The following TSHZ2 variants were observed in gnomAD, a reference collection of about 807,000 sequenced individuals.
TSHZ2 encodes the protein teashirt homolog 2.
In TSHZ2, 21 loss-of-function variants were observed where a neutral mutation model predicts 74.4. The ratio of observed to expected loss-of-function variants is 0.28; its 90% CI spans 0.20 to 0.41. TSHZ2 has a LOEUF of 0.41. Ranked by LOEUF, TSHZ2 falls within the 10% of genes least tolerant of loss-of-function variation. TSHZ2 has a pLI of 1.00. For missense variants in TSHZ2, 1,244 were observed against 1,293.5 expected (o/e 0.96, Z 0.59); for synonymous variants, 540 against 515.3 (o/e 1.05, Z -0.65).
At chr20:53,089,996 C>G (rs1907558564) in intron 1 of TSHZ2, among the ~76,000 whole-genome samples, 1 of 152,222 alleles carries the variant, frequency 6.6e-6, no homozygotes, top group African/African-American at 2.4e-5. Context: ...AGTCCAAATC[C>G]CTAAACCTCA....
At chr20:53,145,515 G>A (rs756756500) in intron 1 of TSHZ2, among the ~76,000 whole-genome samples, 8 of 152,204 alleles carry the variant, frequency 5.3e-5, no homozygotes, top group Non-Finnish European at 1.0e-4. Flanking sequence ...AGGAAGGGAA[G>A]GATGTTAATG....
intron 1 of TSHZ2, among the ~76,000 whole-genome samples, chr20:53,125,428 G>C (rs1008818723): frequency 6.6e-6 from 1 of 152,090 alleles, no homozygotes; most frequent in Non-Finnish European, 1.5e-5. Context: ...GATTACAAAG[G>C]TGAAGTACAT....
chr20:53,112,617 C>A (rs1418429617), intron 1 of TSHZ2, among the ~76,000 whole-genome samples: 1 of 152,148 alleles, frequency 6.6e-6, no homozygotes, highest in African/African-American at 2.4e-5. Flanking sequence ...CAGCCTCAAC[C>A]TCCTGGGCTC....
intron 1 of TSHZ2, among the ~76,000 whole-genome samples, chr20:53,001,031 G>A (rs1471539311): frequency 6.6e-6 from 1 of 152,018 alleles, no homozygotes; most frequent in African/African-American, 2.4e-5. Context: ...TGGAAGAGGG[G>A]GACAGCCATC....
intron 1 of TSHZ2, among the ~76,000 whole-genome samples, chr20:53,081,261 G>A (rs1286254712): frequency 6.6e-6 from 1 of 151,954 alleles, no homozygotes; most frequent in East Asian, 1.9e-4. Flanking sequence ...TAAACTCCTG[G>A]CATCAAGTGA....
intron 1 of TSHZ2, among the ~76,000 whole-genome samples, chr20:53,054,116 G>A (rs147867487): frequency 5.9e-5 from 9 of 152,336 alleles, no homozygotes; most frequent in Non-Finnish European, 1.3e-4. Context: ...CCACAAGGTG[G>A]CCCACACAAA....
chr20:53,329,011 G>A (rs951283295), intron 2 of TSHZ2, among the ~76,000 whole-genome samples: 1 of 152,208 alleles, frequency 6.6e-6, no homozygotes, highest in African/African-American at 2.4e-5. Flanking sequence ...CTTTAGCCAA[G>A]AATGTATCAC....
At chr20:53,243,502 T>A (rs1351689499) in intron 1 of TSHZ2, among the ~76,000 whole-genome samples, 1 of 152,128 alleles carries the variant, frequency 6.6e-6, no homozygotes, top group Non-Finnish European at 1.5e-5. Flanking sequence ...AACTCCTAAG[T>A]GTGAGGAATG....
intron 1 of TSHZ2, among the ~76,000 whole-genome samples, chr20:53,239,446 GC>G (rs1351192775): frequency 3.3e-5 from 5 of 152,152 alleles, no homozygotes; most frequent in African/African-American, 1.2e-4. Context: ...TTTACTGTAT[GC>G]TCAAAAACTC....
intron 2 of TSHZ2, among the ~76,000 whole-genome samples, chr20:53,351,766 C>G (rs901289643): frequency 2.6e-5 from 4 of 152,178 alleles, no homozygotes; most frequent in African/African-American, 9.7e-5. Context: ...ATCAAAGCTT[C>G]TTCCCCAGGT....
At chr20:53,060,386 A>T (rs1345651245) in intron 1 of TSHZ2, among the ~76,000 whole-genome samples, 1 of 152,202 alleles carries the variant, frequency 6.6e-6, no homozygotes. Context: ...TTCACTACTA[A>T]TACCTAAAAC....
intron 1 of TSHZ2, among the ~76,000 whole-genome samples, chr20:53,225,210 G>A (rs539897276): frequency 2.0e-5 from 3 of 152,300 alleles, no homozygotes; most frequent in South Asian, 4.1e-4. Context: ...ACTTCTTAAG[G>A]GAAAGAGACT....
At chr20:53,458,168 G>C (rs1324250593) in intron 2 of TSHZ2, among the ~76,000 whole-genome samples, 1 of 149,398 alleles carries the variant, frequency 6.7e-6, no homozygotes, top group African/African-American at 2.5e-5. Context: ...GGTAGAATTC[G>C]GCTGTGAATC....
chr20:53,186,276 CA>C (rs1224549091), intron 1 of TSHZ2, among the ~76,000 whole-genome samples: 8 of 152,314 alleles, frequency 5.3e-5, no homozygotes, highest in African/African-American at 1.9e-4. Context: ...CAATTTAGGA[CA>C]TTCTTTTAGA....
intron 2 of TSHZ2, among the ~76,000 whole-genome samples, chr20:53,441,018 A>G (rs1489110885): frequency 6.6e-6 from 1 of 152,164 alleles, no homozygotes; most frequent in Admixed American, 6.5e-5. Flanking sequence ...GCTGCAATAA[A>G]AATTAAGCAA....
At chr20:53,361,922 G>GT (rs758422342) in intron 2 of TSHZ2, among the ~76,000 whole-genome samples, 29 of 29,246 alleles carry the variant, frequency 9.9e-4, no homozygotes, top group East Asian at 2.9e-3. Context: ...GTTGTTTTGT[G>GT]TTTTTTTTTT....
chr20:53,342,054 A>G (rs1349343733), intron 2 of TSHZ2, among the ~76,000 whole-genome samples: 3 of 152,174 alleles, frequency 2.0e-5, no homozygotes, highest in African/African-American at 7.2e-5. Flanking sequence ...GCTTGTCCAA[A>G]GAGCCCCCAC....
In TSHZ2 at chr20:53,324,654, C is replaced by T. The variant is rs531221059; in HGVS notation, c.*8+68083C>T. ...GCCTCCCAAAGTGCTGGACAGATTCCTTTTCATCCTCAAAGCCTCTGATCA... is the reference window on the plus strand; with the variant it reads ...GCCTCCCAAAGTGCTGGACAGATTCTTTTTCATCCTCAAAGCCTCTGATCA... On this transcript the variant is annotated intron_variant, in intron 2 of 2. Transcript: ENST00000371497. Among the ~76,000 whole-genome samples, 21 of 152,238 alleles carry T rather than the reference C, an allele frequency of 1.4e-4. No homozygotes were observed. The East Asian group carries it at 3.5e-3, about 25-fold the overall frequency.
intron 2 of TSHZ2, among the ~76,000 whole-genome samples, chr20:53,299,306 G>C (rs1219902948): frequency 6.6e-6 from 1 of 152,204 alleles, no homozygotes; most frequent in East Asian, 1.9e-4. Flanking sequence ...AAGATTTTAT[G>C]TAAAACAACT....
Sources: gnomAD v4.1 joint callset for allele counts (sites outside exome capture counted in the v4.1 genomes callset) on GRCh38, gnomAD v4.1.1 for gene constraint, MANE v1.5 for transcripts, NCBI Gene and HGNC (gene_info 2026-07-23, HGNC 2026-07-21) for gene names.